TRIML2: variants seen among roughly 807,000 people sequenced by gnomAD.
TRIML2 encodes the protein probable E3 ubiquitin-protein ligase TRIML2.
TRIML2 carries 28 observed loss-of-function variants against 31.2 expected under a neutral mutation model. That is an observed-to-expected ratio of 0.90 (90% CI 0.66 to 1.23). The LOEUF (loss-of-function observed/expected upper bound fraction) is 1.23. TRIML2 is among the 50% of genes most tolerant of loss of function. The probability of loss-of-function intolerance (pLI) is 0.00; values close to 1 mark genes in which losing one functional copy is unlikely to be tolerated. For synonymous variants in TRIML2, 187 were observed against 197.5 expected, an observed-to-expected ratio of 0.95 and a Z score of 0.45; for missense variants, 536 against 528.3, an observed-to-expected ratio of 1.01 and a Z score of -0.14.
intron 1 of TRIML2, among the ~76,000 whole-genome samples, chr4:188,107,517 A>C (rs1189868210): frequency 1.3e-5 from 2 of 152,190 alleles, no homozygotes; most frequent in Non-Finnish European, 2.9e-5. Flanking sequence ...ATGCATCCAT[A>C]ATTTTGATAT....
At position 188,095,641 on chromosome 4, in the gene TRIML2, C is replaced by T. The variant is rs116467099; in HGVS notation, c.745+1420G>A. 7.7e-3 allele frequency among the ~76,000 whole-genome samples: 1,163 copies of T among 151,954 alleles called. 23 individuals carry two copies. The highest frequency in any genetic ancestry group is 0.027 in the African/African-American group (1,096 of 41,284). ...GAGAATACAGAGTAACTGAATCTTT[C>T]GCACGTTATTGGTGGGAAGGCAAAA... On this transcript the variant is annotated intron_variant, in intron 7 of 7. Transcript: ENST00000682553.
At chr4:188,096,666 ATTTAT>A (rs1050785527) in intron 7 of TRIML2, among the ~76,000 whole-genome samples, 1 of 142,570 alleles carries the variant, frequency 7.0e-6, no homozygotes, top group Non-Finnish European at 1.5e-5. Context: ...ATTTTTATTT[ATTTAT>A]TTTAAGACAG....
chr4:188,101,368 C>A, intron 3 of TRIML2, 118 bp from the exon 4 acceptor site: 1 of 520,482 alleles, frequency 1.9e-6, no homozygotes, highest in Non-Finnish European at 3.1e-6. Context: ...TTACACTGAC[C>A]ACAATGTATT....
chr4:188,101,272 GA>G, intron 3 of TRIML2, 22 bp from the exon 4 acceptor site: 1 of 1,548,706 alleles, frequency 6.5e-7, no homozygotes. Context: ...AGACATGATA[GA>G]CTTCAGGTTA....
intron 4 of TRIML2, among the ~76,000 whole-genome samples, chr4:188,100,590 C>T (rs1579177021): frequency 6.6e-6 from 1 of 152,062 alleles, no homozygotes; most frequent in Non-Finnish European, 1.5e-5. Flanking sequence ...GGCGTAGTGG[C>T]GGGCACCTGT....
chr4:188,106,840 G>A, intron 1 of TRIML2: 1 of 255,124 alleles, frequency 3.9e-6, no homozygotes, highest in Non-Finnish European at 8.1e-6. Context: ...GACAGGCCGG[G>A]CTGAGCCGCG....
chr4:188,094,841 A>C (rs1299070781), intron 7 of TRIML2, among the ~76,000 whole-genome samples: 2 of 152,238 alleles, frequency 1.3e-5, no homozygotes, highest in African/African-American at 2.4e-5. Context: ...CTGAAAAAGA[A>C]TAAATTTGGA....
At chr4:188,108,974 ACG>A (rs757481615) in intron 1 of TRIML2, among the ~76,000 whole-genome samples, 2 of 152,220 alleles carry the variant, frequency 1.3e-5, no homozygotes, top group Non-Finnish European at 2.9e-5. Context: ...AATATTGTAA[ACG>A]ATATTTTATG....
Position 188,097,320 on chromosome 4 carries a change from T to A in TRIML2, c.644+4A>T, listed in dbSNP as rs368712597. 6.4e-5 allele frequency: 103 copies of A among 1,613,812 alleles called. No homozygotes were observed. Among genetic ancestry groups the A allele is most frequent in the Non-Finnish European group, 8.1e-5 (95 of 1,179,882 alleles). ...ACCCAATTGTATCCAAAATGAAAAC[T>A]CACCTTTCTAAAGAGTATTTTGCAT... On this transcript the variant is annotated splice_donor_region_variant and intron_variant, in intron 6 of 7. Coordinates refer to ENST00000682553, the MANE Select transcript of TRIML2 (RefSeq NM_173553.4).
chr4:188,105,033 C>T, intron 2 of TRIML2, 101 bp from the exon 3 acceptor site: 6 of 1,412,460 alleles, frequency 4.2e-6, no homozygotes, highest in Non-Finnish European at 5.9e-6. Flanking sequence ...TTTTCTTAGC[C>T]TTTAGGTTGA....
At chr4:188,102,073 T>G (rs181299561) in intron 3 of TRIML2, among the ~76,000 whole-genome samples, 3,352 of 141,256 alleles carry the variant, frequency 0.024, 113 homozygotes, top group African/African-American at 0.084. Flanking sequence ...GAGCTTGCAG[T>G]GAGCCGAGAT....
chr4:188,093,737 A>C (rs1733371000), intron 7 of TRIML2, among the ~76,000 whole-genome samples: 1 of 151,456 alleles, frequency 6.6e-6, no homozygotes, highest in African/African-American at 2.4e-5. Flanking sequence ...TTCAACATTG[A>C]TTCATAAAAA....
chr4:188,092,115 C>G (rs920455144), intron 7 of TRIML2, among the ~76,000 whole-genome samples, 174 bp from the exon 8 acceptor site: 1 of 151,958 alleles, frequency 6.6e-6, no homozygotes, highest in Non-Finnish European at 1.5e-5. Context: ...CAATATGGAC[C>G]TCATGGAGGA....
chr4:188,101,975 A>T (rs553894235), intron 3 of TRIML2, among the ~76,000 whole-genome samples: 1 of 150,716 alleles, frequency 6.6e-6, no homozygotes, highest in Non-Finnish European at 1.5e-5. Context: ...CTAAAAATAC[A>T]AAAAATTAGC....
rs1374649975 is a variant in TRIML2, at chr4:188,104,820, G to A, written c.285+17C>T. Reference sequence around the variant, plus strand: ...CTGGTAATTTCCCCCCAAGAATCAAGATAAGCACTCACTGACCTGAATCAT... The same window carrying A: ...CTGGTAATTTCCCCCCAAGAATCAAAATAAGCACTCACTGACCTGAATCAT... On this transcript the variant is annotated intron_variant, in intron 3 of 7. Transcript: ENST00000682553. 1.9e-6 allele frequency: 3 copies of A among 1,593,814 alleles called. No individual in the cohort carries two copies. Among genetic ancestry groups the A allele is most frequent in the Admixed American group, 1.7e-5 (1 of 59,892 alleles).
chr4:188,101,421 C>T (rs546961683), intron 3 of TRIML2, among the ~76,000 whole-genome samples, 171 bp from the exon 4 acceptor site: 1 of 152,122 alleles, frequency 6.6e-6, no homozygotes, highest in African/African-American at 2.4e-5. Context: ...GAAGGCTGGG[C>T]GCAGTGGCTC....
At position 188,109,520 on chromosome 4, in the gene TRIML2, T is replaced by G. The variant is rs1734155415; in HGVS notation, c.-500A>C. The G allele has an allele frequency of 6.6e-6, 1 of 152,002 alleles. No homozygotes were observed. The highest frequency in any genetic ancestry group is 6.6e-5 in the Admixed American group (1 of 15,214). 9.4% of individuals were successfully genotyped at this position (152,002 alleles called of 1,614,324 possible). A position where few individuals can be genotyped will look rare whatever the true frequency, so the allele number is the denominator to read the frequency against. ...CTTGAACTCCTGGGCTCAAGCAATC[T>G]GCCTGCTTCAGCCTCCCAAAGTACT... On this transcript the variant is annotated 5_prime_UTR_variant, in exon 1 of 8. Coordinates refer to ENST00000682553, the MANE Select transcript of TRIML2 (RefSeq NM_173553.4).
chr4:188,091,975 G>C (rs377738164), intron 7 of TRIML2, 34 bp from the exon 8 acceptor site: 1 of 1,571,890 alleles, frequency 6.4e-7, no homozygotes, highest in Non-Finnish European at 8.6e-7. Context: ...TAACCTAGGA[G>C]TTCACCAATG....
chr4:188,106,571 TC>T, intron 1 of TRIML2: 1 of 154,854 alleles, frequency 6.5e-6, no homozygotes, highest in Admixed American at 6.5e-5. Flanking sequence ...CAGTTCTTGG[TC>T]CGCGCCCCGG....
Sources: gnomAD v4.1 joint callset for allele counts (sites outside exome capture counted in the v4.1 genomes callset) on GRCh38, gnomAD v4.1.1 for gene constraint, MANE v1.5 for transcripts, NCBI Gene and HGNC (gene_info 2026-07-23, HGNC 2026-07-21) for gene names.